DIO2: variants seen among roughly 807,000 people sequenced by gnomAD.
DIO2 encodes the protein type II iodothyronine deiodinase.
In DIO2, 19 loss-of-function variants were observed where a neutral mutation model predicts 21.4. The observed-to-expected ratio is 0.89, with a 90% confidence interval of 0.62 to 1.30. DIO2 has a LOEUF of 1.30. Ranked by LOEUF, DIO2 falls within the 50% of genes most tolerant of loss-of-function variation. The pLI, the probability that DIO2 is intolerant of heterozygous loss-of-function variation, is 0.00. For missense variants in DIO2, 302 were observed against 338.1 expected, an observed-to-expected ratio of 0.89 and a Z score of 0.84; for synonymous variants, 122 against 132.9, an observed-to-expected ratio of 0.92 and a Z score of 0.57.
chr14:80,211,193 A>G (rs985842743), intron 1 of DIO2, 58 bp downstream of exon 1: 6 of 1,525,720 alleles, frequency 3.9e-6, no homozygotes. Flanking sequence ...TCTGGTCCCC[A>G]GCATATGAGC....
chr14:80,214,839 A>C (rs1888314056), upstream of DIO2, among the ~76,000 whole-genome samples: 1 of 152,212 alleles, frequency 6.6e-6, no homozygotes. Flanking sequence ...GAGAAAGCAG[A>C]TTACCAAAAT....
At chr14:80,228,596 G>C (rs1008832255) in intron 2 of DIO2, among the ~76,000 whole-genome samples, 1 of 152,186 alleles carries the variant, frequency 6.6e-6, no homozygotes, top group Non-Finnish European at 1.5e-5. Context: ...TCTAGGTAGA[G>C]CCAGCTCTAA....
intron 2 of DIO2, among the ~76,000 whole-genome samples, chr14:80,221,536 C>T (rs1907526): frequency 0.16 from 23,621 of 151,988 alleles, 2,481 homozygotes; most frequent in East Asian, 0.3. Flanking sequence ...AGTAAGATTG[C>T]TTTCTAAATT....
Position 80,211,427 on chromosome 14 carries a change from G to T in DIO2, c.46C>A (p.Pro16Thr). The T allele has an allele frequency of 6.2e-7, 1 of 1,612,710 alleles. No homozygotes were observed. Among genetic ancestry groups the T allele is most frequent in the Non-Finnish European group, 8.5e-7 (1 of 1,179,512 alleles). The change falls in exon 1 of 2, where the codon CCA (proline) becomes ACA (threonine). Residue 16 changes from proline to threonine, a missense_variant. By Grantham distance (38) the Pro-to-Thr change is conservative (BLOSUM62 -1). Transcript: ENST00000438257. ...VDLLITLQIL[P>T]VFFSNCLFLA... ...AAGAGGCAGTTGGAGAAAAAAACTG[G>T]CAGAATTTGCAGTGTGATCAGCAAG...
At chr14:80,228,279 A>T (rs1460433993) in intron 2 of DIO2, among the ~76,000 whole-genome samples, 1 of 152,210 alleles carries the variant, frequency 6.6e-6, no homozygotes, top group African/African-American at 2.4e-5. Context: ...AGCCTTATGG[A>T]CAGGAATGGA....
intron 1 of DIO2, among the ~76,000 whole-genome samples, chr14:80,208,073 T>C (rs1022227593): frequency 6.6e-6 from 1 of 152,230 alleles, no homozygotes. Context: ...ACTGTGTGTT[T>C]ACTTTTACAC....
At chr14:80,226,244 G>T (rs947020667) in intron 2 of DIO2, among the ~76,000 whole-genome samples, 1 of 152,140 alleles carries the variant, frequency 6.6e-6, no homozygotes, top group East Asian at 1.9e-4. Context: ...TCAAAAGGCC[G>T]TTCCACCATT....
intron 2 of DIO2, among the ~76,000 whole-genome samples, chr14:80,220,619 T>C (rs145510353): frequency 6.6e-6 from 1 of 152,324 alleles, no homozygotes; most frequent in African/African-American, 2.4e-5. Flanking sequence ...TGAATATTAG[T>C]GGTAATATAA....
intron 2 of DIO2, among the ~76,000 whole-genome samples, chr14:80,222,860 C>CTTTT (rs200049777): frequency 4.3e-5 from 6 of 138,816 alleles, no homozygotes; most frequent in African/African-American, 1.3e-4. Flanking sequence ...TTCTTTGTTT[C>CTTTT]TTTTTTTTTT....
chr14:80,218,190 C>A (rs1888394117), intron 2 of DIO2, among the ~76,000 whole-genome samples: 1 of 151,362 alleles, frequency 6.6e-6, no homozygotes, highest in East Asian at 1.9e-4. Flanking sequence ...TAAAAACAAA[C>A]AAACAAACAA....
At position 80,201,486 on chromosome 14, in the gene DIO2, T is replaced by G. The variant is rs1379890400; in HGVS notation, c.*1203A>C. The G allele has an allele frequency of 6.6e-6, 1 of 152,188 alleles. No individual in the cohort carries two copies. Among genetic ancestry groups the G allele is most frequent in the Non-Finnish European group, 1.5e-5 (1 of 68,036 alleles). The allele number at this position is 152,188 out of a possible 1,614,324, so 9.4% of individuals were successfully genotyped here. ...CGCAGCAGCTGAGAATATATATACA[T>G]ATATTTGTATGTATGTATGTATGTG... On this transcript the variant is annotated 3_prime_UTR_variant, in exon 2 of 2. Transcript: ENST00000438257.
rs536772267 is a variant in DIO2 at position 80,206,553 on chromosome 14, G to T, written c.223-3265C>A. On this transcript the variant is annotated intron_variant, in intron 1 of 1. Coordinates refer to ENST00000438257, the MANE Select transcript of DIO2 (RefSeq NM_013989.5). Reference sequence around the variant, plus strand: ...GGCTGGGAGAATCACCATTGTCTTCGATGATGGAAGATTCTTTGCTCTCCC... The same window carrying T: ...GGCTGGGAGAATCACCATTGTCTTCTATGATGGAAGATTCTTTGCTCTCCC... Among the ~76,000 whole-genome samples, 11 of 152,222 alleles carry T rather than the reference G, an allele frequency of 7.2e-5. No individual in the cohort carries two copies. The South Asian group carries it at 1.7e-3, about 23-fold the overall frequency.
At chr14:80,203,807 T>A (rs1887843375) in intron 1 of DIO2, among the ~76,000 whole-genome samples, 1 of 152,216 alleles carries the variant, frequency 6.6e-6, no homozygotes, top group African/African-American at 2.4e-5. Context: ...TGGCCAGTGA[T>A]ACCAGTGGGC....
rs1422800739 is a variant in DIO2, at chr14:80,201,801, G to A, written c.*888C>T. On this transcript the variant is annotated 3_prime_UTR_variant, in exon 2 of 2. Coordinates refer to ENST00000438257, the MANE Select transcript of DIO2 (RefSeq NM_013989.5). ...TTCAATCACCCCTTTCTCCTCTCTA[G>A]GAGCATATGACAAATATATTGTTTT... is the stretch of plus-strand genomic sequence containing the variant. The A allele has an allele frequency of 6.6e-6, 1 of 152,070 alleles. No homozygotes were observed. The highest frequency in any genetic ancestry group is 1.5e-5 in the Non-Finnish European group (1 of 68,134). The allele number at this position is 152,070 out of a possible 1,614,324, so 9.4% of individuals were successfully genotyped here.
At chr14:80,219,356 C>T (rs1194915966) in intron 2 of DIO2, 2 of 152,160 alleles carry the variant, frequency 1.3e-5, no homozygotes, top group Non-Finnish European at 2.9e-5. Flanking sequence ...AATTGAAAGT[C>T]AGTAGGCAAA....
intron 2 of DIO2, among the ~76,000 whole-genome samples, chr14:80,228,775 G>C (rs1888628716): frequency 6.6e-6 from 1 of 152,100 alleles, no homozygotes; most frequent in Non-Finnish European, 1.5e-5. Context: ...CTATACGTTG[G>C]ACCTGAGATA....
intron 2 of DIO2, among the ~76,000 whole-genome samples, chr14:80,217,192 G>T (rs758361071): frequency 1.3e-5 from 2 of 152,176 alleles, no homozygotes; most frequent in African/African-American, 2.4e-5. Flanking sequence ...TTTGGTAAGA[G>T]GATAAAATAC....
intron 1 of DIO2, among the ~76,000 whole-genome samples, chr14:80,206,723 G>C (rs1243222949): frequency 6.6e-6 from 1 of 152,142 alleles, no homozygotes; most frequent in African/African-American, 2.4e-5. Flanking sequence ...ATTTCCCACA[G>C]TGGCACAGAA....
At position 80,202,697 on chromosome 14, in the gene DIO2, C is replaced by T. The variant is rs759273588; in HGVS notation, c.814G>A (p.Ala272Thr). The change falls in exon 2 of 2, where the codon GCT (alanine) becomes ACT (threonine). Residue 272 changes from alanine to threonine, a missense_variant. Transcript: ENST00000438257. ...CTCTTATAATCATACCTTTAACCAG[C>T]TAATCTAGTTTTCTTTCATCTCTTG... is the stretch of plus-strand genomic sequence containing the variant. Reference protein sequence around the residue: ...FSKRUKKTRLAG With the variant: ...FSKRUKKTRLTG 6.2e-7 allele frequency: 1 copy of T among 1,611,062 alleles called. No homozygotes were observed. The highest frequency in any genetic ancestry group is 1.1e-5 in the South Asian group (1 of 90,614).
Sources: gnomAD v4.1 joint callset for allele counts (sites outside exome capture counted in the v4.1 genomes callset) on GRCh38, gnomAD v4.1.1 for gene constraint, MANE v1.5 for transcripts, NCBI Gene and HGNC (gene_info 2026-07-23, HGNC 2026-07-21) for gene names.